Variants in CCDC88C observed in about 807,000 individuals in gnomAD.
CCDC88C encodes the protein coiled-coil and HOOK domain protein 88C.
In CCDC88C, 131 loss-of-function variants were observed where a neutral mutation model predicts 198.8. The ratio of observed to expected loss-of-function variants is 0.66; its 90% CI spans 0.57 to 0.76. The LOEUF (loss-of-function observed/expected upper bound fraction) is 0.76. CCDC88C is among the 30% of genes least tolerant of loss of function. The pLI is 0.00. For synonymous variants in CCDC88C, 1,166 were observed against 1,114.7 expected (o/e 1.05, Z -0.92); for missense variants, 2,553 against 2,631.6 (o/e 0.97, Z 0.65).
intron 3 of CCDC88C, among the ~76,000 whole-genome samples, chr14:91,378,328 C>T (rs1024451552): frequency 6.6e-6 from 1 of 152,206 alleles, no homozygotes; most frequent in African/African-American, 2.4e-5. Flanking sequence ...CCCCCTCCCC[C>T]AGTGAACGCC....
rs1210683811 is a variant in CCDC88C, at chr14:91,294,164, C to T, written c.4112+9G>A. The T allele has an allele frequency of 2.5e-6, 4 of 1,613,686 alleles. No individual in the cohort carries two copies. In the South Asian group the frequency reaches 4.4e-5, roughly 18 times the overall value. On this transcript the variant is annotated intron_variant, in intron 23 of 29. Coordinates refer to ENST00000389857, the MANE Select transcript of CCDC88C (RefSeq NM_001080414.4). ...GGTGCGGAGAGGGGTTCAGGGACTC[C>T]CTGCTTACATGTACTGCTTCTGCTC...
At chr14:91,310,060 C>T (rs1891750920) in intron 15 of CCDC88C, 74 bp from the exon 16 acceptor site, 28 of 1,427,088 alleles carry the variant, frequency 2.0e-5, no homozygotes, top group South Asian at 1.8e-4. Flanking sequence ...CAGTCCCGCC[C>T]GGGTGTGAGC....
chr14:91,303,619 C>T lies in CCDC88C; in HGVS notation c.3635+82G>A, dbSNP rs181804120. ...TCCCCTAGGTCCCACCCATCTACCC[C>T]AGGCCCCACCTTTCCCCCTGGGCCC... On this transcript the variant is annotated intron_variant, in intron 20 of 29. Transcript: ENST00000389857. 5,262 of 1,422,022 alleles carry T rather than the reference C, an allele frequency of 3.7e-3. 332 individuals carry two copies. In the Admixed American group the frequency reaches 0.11, roughly 29 times the overall value. The allele number at this position is 1,422,022 out of a possible 1,614,324, so 88.1% of individuals were successfully genotyped here. A position where few individuals can be genotyped will look rare whatever the true frequency, so the allele number is the denominator to read the frequency against.
chr14:91,315,744 T>C lies in CCDC88C; in HGVS notation c.1571A>G (p.Asn524Ser), dbSNP rs369469576. The C allele has an allele frequency of 1.9e-6, 3 of 1,613,634 alleles. No homozygotes were observed. Among genetic ancestry groups the C allele is most frequent in the Non-Finnish European group, 2.5e-6 (3 of 1,179,810 alleles). Residue 524 changes from asparagine to serine, a missense_variant, in exon 14 of 30, where the codon AAC (asparagine) becomes AGC (serine). Physicochemically the swap from Asn to Ser is conservative, Grantham distance 46. This residue lies in a region of CCDC88C where 1,260 missense variants were observed against 1,412.0 expected (regional missense o/e 0.89). Coordinates refer to ENST00000389857, the MANE Select transcript of CCDC88C (RefSeq NM_001080414.4). The part of the protein sequence containing the change: ...QTQLEREKQS[N>S]QDLETLSEEL... Reference sequence around the variant, plus strand: ...CTCACTGAGGGTCTCCAGATCTTGGTTGCTCTGCTTTTCTCTCTCCAGCTG... The same window carrying C: ...CTCACTGAGGGTCTCCAGATCTTGGCTGCTCTGCTTTTCTCTCTCCAGCTG...
chr14:91,299,131 C>T (rs1891161484), intron 21 of CCDC88C, among the ~76,000 whole-genome samples: 1 of 152,178 alleles, frequency 6.6e-6, no homozygotes, highest in Admixed American at 6.5e-5. Flanking sequence ...ATTTTTGTTA[C>T]TGATCAATAC....
chr14:91,396,112 G>A (rs1596156115), intron 3 of CCDC88C, among the ~76,000 whole-genome samples: 3 of 152,194 alleles, frequency 2.0e-5, no homozygotes, highest in African/African-American at 2.4e-5. Flanking sequence ...ATGCCAAGGC[G>A]AAGCAGCAGA....
At chr14:91,415,001 G>C (rs1399419433) in intron 2 of CCDC88C, among the ~76,000 whole-genome samples, 1 of 152,212 alleles carries the variant, frequency 6.6e-6, no homozygotes, top group Non-Finnish European at 1.5e-5. Flanking sequence ...AATTCCAAAG[G>C]TCAGGGAAGA....
chr14:91,326,544 A>C (rs1347546567), intron 10 of CCDC88C, among the ~76,000 whole-genome samples: 1 of 152,170 alleles, frequency 6.6e-6, no homozygotes, highest in South Asian at 2.1e-4. Context: ...GGCAAGGACA[A>C]TGGACTTTCT....
chr14:91,412,575 C>T (rs1021395146), intron 2 of CCDC88C, among the ~76,000 whole-genome samples: 1 of 152,078 alleles, frequency 6.6e-6, no homozygotes, highest in Non-Finnish European at 1.5e-5. Context: ...GCTGGGACTA[C>T]AGGCGCCCGC....
rs976878635 is a variant in CCDC88C, at chr14:91,307,230, C to A, written c.3007-4G>T. 4.3e-6 allele frequency: 7 copies of A among 1,612,334 alleles called. No homozygotes were observed. Among genetic ancestry groups the A allele is most frequent in the Non-Finnish European group, 5.9e-6 (7 of 1,179,782 alleles). ...GGGTCTCACACTCCTTCTTTAGCTA[C>A]AGGTGTGACAATAAGCAAGGAGGCT... On this transcript the variant is annotated splice_region_variant and splice_polypyrimidine_tract_variant and intron_variant, in intron 17 of 29. Transcript: ENST00000389857.
In CCDC88C at chr14:91,352,037, G is replaced by A. The variant is rs1020473992; in HGVS notation, c.340+7605C>T. Reference sequence around the variant, plus strand: ...CAGCTTGAGACTCAAGTTTGCCCTGGGAAGGGGCGAGGAGCTAGGGCAGGC... The same window carrying A: ...CAGCTTGAGACTCAAGTTTGCCCTGAGAAGGGGCGAGGAGCTAGGGCAGGC... On this transcript the variant is annotated intron_variant, in intron 4 of 29. Transcript: ENST00000389857. The surrounding 1 kb of genome is among the most constrained non-coding windows in gnomAD (Gnocchi z 4.2). Among the ~76,000 whole-genome samples the A allele has an allele frequency of 2.0e-5, 3 of 152,246 alleles. No individual in the cohort carries two copies. Among genetic ancestry groups the A allele is most frequent in the African/African-American group, 7.2e-5 (3 of 41,460 alleles).
intron 3 of CCDC88C, among the ~76,000 whole-genome samples, chr14:91,376,003 G>A (rs1471514019): frequency 1.3e-5 from 2 of 152,314 alleles, no homozygotes; most frequent in Non-Finnish European, 1.5e-5. Flanking sequence ...TTCCAGCCCC[G>A]CGAGTTCACA....
In CCDC88C at chr14:91,321,229, T is replaced by C. The variant is rs1430057897; in HGVS notation, c.1418A>G (p.Gln473Arg). 2.2e-5 allele frequency: 36 copies of C among 1,603,738 alleles called. No homozygotes were observed. Among genetic ancestry groups the C allele is most frequent in the Non-Finnish European group, 2.8e-5 (33 of 1,175,096 alleles). ...SRILKLEKEN[Q>R]SLQSTIQGLR... The stretch of plus-strand genomic sequence containing the variant: ...CCCCTGGATGGTGCTCTGGAGGCTC[T>C]GATTCTCCTTCTCCAGCTTCAGGAT... The change falls in exon 13 of 30, where the codon CAG (glutamine) becomes CGG (arginine). Residue 473 changes from glutamine (Q) to arginine (R), a missense_variant. By Grantham distance (43) the Gln-to-Arg change is conservative. Around this residue, in one of 2 missense-constraint regions of CCDC88C, gnomAD observed 1,260 missense variants for 1,412.0 expected, o/e 0.89. Coordinates refer to ENST00000389857, the MANE Select transcript of CCDC88C (RefSeq NM_001080414.4).
chr14:91,389,119 G>A (rs1012455734), intron 3 of CCDC88C, among the ~76,000 whole-genome samples: 21 of 152,334 alleles, frequency 1.4e-4, no homozygotes, highest in African/African-American at 4.1e-4. Flanking sequence ...CCTGAATGAG[G>A]AGCCAATTAG....
chr14:91,360,252 TCACA>T (rs57026211), intron 3 of CCDC88C, among the ~76,000 whole-genome samples: 14,752 of 144,170 alleles, frequency 0.1, 1,004 homozygotes, highest in African/African-American at 0.2. Context: ...GACCCCATCT[TCACA>T]CACACACACA....
chr14:91,413,757 T>C (rs1448937615), intron 2 of CCDC88C, among the ~76,000 whole-genome samples: 3 of 152,150 alleles, frequency 2.0e-5, no homozygotes, highest in Non-Finnish European at 4.4e-5. Context: ...CCGGAGACAA[T>C]GGCCAGGTGC....
At chr14:91,310,083 G>A (rs1037666499) in intron 15 of CCDC88C, 97 bp from the exon 16 acceptor site, 19 of 1,300,346 alleles carry the variant, frequency 1.5e-5, no homozygotes, top group Admixed American at 4.9e-5. Context: ...CTGTCCTCCC[G>A]GGCCACGGCT....
At position 91,416,790 on chromosome 14, in the gene CCDC88C, TAGTC is replaced by T; in HGVS notation, c.105_108del (p.Thr36CysfsTer5). The stretch of plus-strand genomic sequence containing the variant: ...ATGCCGTCCACTAAATCCATGTACA[TAGTC>T]AGGTTGTCCTGGCTGCCGCTTCCAA... On this transcript the variant is annotated frameshift_variant, in exon 2 of 30. Transcript: ENST00000389857. LOFTEE classifies it high-confidence loss of function. 1.2e-6 allele frequency: 2 copies of T among 1,613,502 alleles called. No individual in the cohort carries two copies. Among genetic ancestry groups the T allele is most frequent in the Non-Finnish European group, 1.7e-6 (2 of 1,179,656 alleles).
At position 91,310,698 on chromosome 14, in the gene CCDC88C, C is replaced by A. The variant is rs530572999; in HGVS notation, c.2737-712G>T. 2.0e-5 allele frequency among the ~76,000 whole-genome samples: 3 copies of A among 152,220 alleles called. No homozygotes were observed. The South Asian group carries it at 6.2e-4, about 32-fold the overall frequency. On this transcript the variant is annotated intron_variant, in intron 15 of 29. Transcript: ENST00000389857. ...GTGCTGGGATTACAGGCGCGAGCCACTGCACCCGGCCTTGGTCTACTTTTC... is the reference window on the plus strand; with the variant it reads ...GTGCTGGGATTACAGGCGCGAGCCAATGCACCCGGCCTTGGTCTACTTTTC...
Sources: allele counts gnomAD v4.1 joint callset (sites outside exome capture counted in the v4.1 genomes callset), GRCh38; gene constraint gnomAD v4.1.1; regional missense constraint gnomAD v4.1.1; non-coding constraint Gnocchi (gnomAD v3.1); transcripts MANE v1.5; gene names NCBI Gene and HGNC (gene_info 2026-07-23, HGNC 2026-07-21).